SEMA6D: variants seen among roughly 807,000 people sequenced by gnomAD.
SEMA6D encodes the protein semaphorin-6D.
SEMA6D carries 35 observed loss-of-function variants against 106.6 expected under a neutral mutation model. That is an observed-to-expected ratio of 0.33 (90% confidence interval 0.25 to 0.44). The LOEUF (loss-of-function observed/expected upper bound fraction) is 0.44. Ranked by LOEUF, SEMA6D falls within the 20% of genes least tolerant of loss-of-function variation. The pLI, the probability that SEMA6D is intolerant of heterozygous loss-of-function variation, is 1.00. For synonymous variants in SEMA6D, 499 were observed against 487.7 expected (o/e 1.02, Z -0.31); for missense variants, 1,185 against 1,345.9 (o/e 0.88, Z 1.87).
chr15:47,617,412 C>G (rs1262553125), intron 4 of SEMA6D, among the ~76,000 whole-genome samples: 1 of 152,060 alleles, frequency 6.6e-6, no homozygotes, highest in African/African-American at 2.4e-5. Flanking sequence ...CTCTTCATGG[C>G]CTCTTTAGGA....
intron 3 of SEMA6D, among the ~76,000 whole-genome samples, chr15:47,478,808 A>C (rs554951439): frequency 4.6e-5 from 7 of 152,198 alleles, no homozygotes; most frequent in African/African-American, 1.7e-4. Flanking sequence ...AAAAGGTTTA[A>C]TGGACTCACA....
At chr15:47,376,741 A>T (rs1358128217) in intron 1 of SEMA6D, among the ~76,000 whole-genome samples, 2 of 152,206 alleles carry the variant, frequency 1.3e-5, no homozygotes, top group Non-Finnish European at 2.9e-5. Flanking sequence ...GTGTGCTTAA[A>T]AGGCATTTGC....
chr15:47,635,322 G>T (rs1041077755), intron 4 of SEMA6D, among the ~76,000 whole-genome samples: 1 of 152,128 alleles, frequency 6.6e-6, no homozygotes, highest in African/African-American at 2.4e-5. Context: ...CTAGTACCTG[G>T]CCTTGGGGTG....
At chr15:47,518,238 G>C (rs560601226) in intron 3 of SEMA6D, among the ~76,000 whole-genome samples, 1 of 152,300 alleles carries the variant, frequency 6.6e-6, no homozygotes, top group South Asian at 2.1e-4. Context: ...GGACAGAAGG[G>C]AGTGAGAGAC....
intron 1 of SEMA6D, among the ~76,000 whole-genome samples, chr15:47,737,664 T>A (rs2080526905): frequency 6.6e-6 from 1 of 152,206 alleles, no homozygotes. Flanking sequence ...TGTAATATAC[T>A]TTTAACTGCT....
intron 1 of SEMA6D, among the ~76,000 whole-genome samples, chr15:47,739,982 T>C (rs1053631577): frequency 1.3e-5 from 2 of 152,234 alleles, no homozygotes; most frequent in African/African-American, 4.8e-5. Context: ...AATTATTTTC[T>C]ACTTTTAATA....
chr15:47,717,024 G>C (rs1162579161), upstream of SEMA6D: 1 of 152,150 alleles, frequency 6.6e-6, no homozygotes, highest in Non-Finnish European at 1.5e-5. Context: ...GAACAACTGC[G>C]CCCGCAGCTC....
At chr15:47,229,530 A>G (rs1373154999) in intron 1 of SEMA6D, among the ~76,000 whole-genome samples, 1 of 151,590 alleles carries the variant, frequency 6.6e-6, no homozygotes, top group East Asian at 1.9e-4. Context: ...TCAGTCTGTC[A>G]CAGCTGATCT....
rs556577602 is a variant in SEMA6D at position 47,718,007 on chromosome 15, C to A, written c.-55+315C>A. On this transcript the variant is annotated intron_variant, in intron 1 of 18. Coordinates refer to ENST00000536845, the MANE Select transcript of SEMA6D (RefSeq NM_001358351.3). Reference sequence around the variant, plus strand: ...AAAGCTGGCGGCTTAGGGGGAGGGGCAAGTGGACTTGGAGGCCCTCCTCCA... The same window carrying A: ...AAAGCTGGCGGCTTAGGGGGAGGGGAAAGTGGACTTGGAGGCCCTCCTCCA... Among the ~76,000 whole-genome samples, 3 of 152,244 alleles carry A rather than the reference C, an allele frequency of 2.0e-5. No homozygotes were observed. The South Asian group carries it at 6.2e-4, about 32-fold the overall frequency.
intron 4 of SEMA6D, among the ~76,000 whole-genome samples, chr15:47,663,565 T>C (rs1001941105): frequency 3.3e-5 from 5 of 152,100 alleles, no homozygotes; most frequent in African/African-American, 9.7e-5. Flanking sequence ...ATGAAAAAAA[T>C]ATACAACTTA....
intron 2 of SEMA6D, among the ~76,000 whole-genome samples, chr15:47,466,138 A>G (rs1271987827): frequency 6.6e-6 from 1 of 152,194 alleles, no homozygotes; most frequent in African/African-American, 2.4e-5. Context: ...ATCACCTCAC[A>G]TAGTTACCAT....
chr15:47,677,199 T>TAAAG (rs1278546718), intron 4 of SEMA6D, among the ~76,000 whole-genome samples: 11 of 152,090 alleles, frequency 7.2e-5, no homozygotes, highest in African/African-American at 2.7e-4. Context: ...TGGGGACCCC[T>TAAAG]GTTGTAAAGG....
intron 2 of SEMA6D, among the ~76,000 whole-genome samples, chr15:47,413,366 T>TA (rs1228690537): frequency 6.6e-6 from 1 of 152,150 alleles, no homozygotes; most frequent in African/African-American, 2.4e-5. Flanking sequence ...TAGGTTAAAT[T>TA]AAAAACATAA....
At chr15:47,767,436 C>T (rs375667839) in intron 17 of SEMA6D, 76 of 186,680 alleles carry the variant, frequency 4.1e-4, no homozygotes, top group African/African-American at 1.4e-3. Context: ...TAATGGATGG[C>T]GGAATTTCAT....
chr15:47,690,109 G>T (rs572195515), intron 4 of SEMA6D, among the ~76,000 whole-genome samples: 1 of 152,136 alleles, frequency 6.6e-6, no homozygotes, highest in Non-Finnish European at 1.5e-5. Context: ...TACACCTTGC[G>T]CTGCCCATCT....
At chr15:47,391,655 A>G (rs1029395819) in intron 1 of SEMA6D, among the ~76,000 whole-genome samples, 7 of 122,504 alleles carry the variant, frequency 5.7e-5, no homozygotes, top group South Asian at 2.4e-4. Flanking sequence ...AGAAACAACT[A>G]TTGATTTTTT....
intron 1 of SEMA6D, among the ~76,000 whole-genome samples, chr15:47,737,724 A>G (rs977872805): frequency 4.6e-5 from 7 of 152,198 alleles, no homozygotes; most frequent in African/African-American, 1.7e-4. Flanking sequence ...ACCATTATAA[A>G]ATAAGTTTCG....
At chr15:47,695,029 C>G (rs2078669670) in intron 4 of SEMA6D, among the ~76,000 whole-genome samples, 1 of 152,098 alleles carries the variant, frequency 6.6e-6, no homozygotes, top group African/African-American at 2.4e-5. Context: ...TATTGAACAG[C>G]AACACTGTGC....
At chr15:47,193,416 A>G (rs1894102025) in intron 1 of SEMA6D, among the ~76,000 whole-genome samples, 1 of 152,156 alleles carries the variant, frequency 6.6e-6, no homozygotes, top group African/African-American at 2.4e-5. Flanking sequence ...TTGTAAGTCT[A>G]CTGCAAATAT....
Sources: allele counts gnomAD v4.1 joint callset (sites outside exome capture counted in the v4.1 genomes callset), GRCh38; gene constraint gnomAD v4.1.1; transcripts MANE v1.5; gene names NCBI Gene and HGNC (gene_info 2026-07-23, HGNC 2026-07-21).